TYR: variants seen among roughly 807,000 people sequenced by gnomAD.
TYR encodes tyrosinase.
TYR carries 58 observed loss-of-function variants against 51.5 expected under a neutral mutation model. The observed-to-expected ratio is 1.13, with a 90% CI of 0.91 to 1.40. The LOEUF is 1.40. Among genes scored for constraint, TYR ranks in the 40% most tolerant of loss-of-function variants. TYR has a pLI of 0.00. For missense variants in TYR, 732 were observed against 647.4 expected (o/e 1.13, Z -1.42); for synonymous variants, 263 against 235.2 (o/e 1.12, Z -1.08).
chr11:89,214,237 T>C (rs1048535140), intron 2 of TYR, among the ~76,000 whole-genome samples: 1 of 151,996 alleles, frequency 6.6e-6, no homozygotes, highest in Non-Finnish European at 1.5e-5. Context: ...GAACAGACAC[T>C]TCTCAAAATA....
chr11:89,283,349 TC>T (rs1944740296), intron 3 of TYR, among the ~76,000 whole-genome samples: 2 of 151,962 alleles, frequency 1.3e-5, no homozygotes, highest in South Asian at 4.1e-4. Flanking sequence ...CTTGTTCTCT[TC>T]ATTATTGTGC....
intron 3 of TYR, among the ~76,000 whole-genome samples, chr11:89,260,468 T>C (rs1032342406): frequency 8.6e-5 from 13 of 152,022 alleles, no homozygotes; most frequent in African/African-American, 2.7e-4. Flanking sequence ...ATGTTATTCT[T>C]CAAATATGAA....
chr11:89,246,717 G>A (rs933980318), intron 3 of TYR, among the ~76,000 whole-genome samples: 4 of 152,042 alleles, frequency 2.6e-5, no homozygotes, highest in Non-Finnish European at 5.9e-5. Flanking sequence ...TGGCCATCCT[G>A]CTAAGAAGAC....
At chr11:89,239,788 A>C (rs1939263) in intron 3 of TYR, among the ~76,000 whole-genome samples, 73,308 of 151,938 alleles carry the variant, frequency 0.48, 19,632 homozygotes, top group African/African-American at 0.74. Context: ...TTAATGTTTT[A>C]ATTGACCCAT....
At chr11:89,258,053 A>T (rs1201241666) in intron 3 of TYR, among the ~76,000 whole-genome samples, 1 of 152,032 alleles carries the variant, frequency 6.6e-6, no homozygotes, top group Non-Finnish European at 1.5e-5. Flanking sequence ...GTCCCAAAAG[A>T]TTGTGCTAAT....
chr11:89,208,731 T>C (rs374622929), intron 2 of TYR, among the ~76,000 whole-genome samples: 1 of 152,234 alleles, frequency 6.6e-6, no homozygotes, highest in African/African-American at 2.4e-5. Context: ...CCTAATTTTG[T>C]AAGTACTTCT....
Position 89,227,821 on chromosome 11 carries a change from A to G in TYR, c.1037-2A>G, listed in dbSNP as rs748901196. On this transcript the variant is annotated splice_acceptor_variant, in intron 2 of 4. Transcript: ENST00000263321. LOFTEE classifies it high-confidence loss of function. The stretch of plus-strand genomic sequence containing the variant: ...TTTTTTTCATTTTTTTTTAATGAAC[A>G]GGATTTGCTAGTCCACTTACTGGGA... 6.2e-6 allele frequency: 10 copies of G among 1,612,138 alleles called. No homozygotes were observed. Among genetic ancestry groups the G allele is most frequent in the African/African-American group, 1.3e-5 (1 of 74,888 alleles).
chr11:89,187,644 C>G (rs189019109), intron 1 of TYR, among the ~76,000 whole-genome samples: 3 of 152,018 alleles, frequency 2.0e-5, no homozygotes, highest in Non-Finnish European at 4.4e-5. Context: ...TAACTCCCCC[C>G]GTTTTATAAA....
chr11:89,295,033 T>C, intron 4 of TYR, 110 bp from the exon 5 acceptor site: 5 of 1,528,848 alleles, frequency 3.3e-6, no homozygotes, highest in Non-Finnish European at 3.6e-6. Context: ...GTAGTAGAGC[T>C]GGCCTTCAAA....
Position 89,269,820 on chromosome 11 carries a change from T to C in TYR, c.1185-14953T>C, listed in dbSNP as rs377217338. On this transcript the variant is annotated intron_variant, in intron 3 of 4. Transcript: ENST00000263321. ...CTGTTTTTCAGTGAAAATTTCCAGA[T>C]ACTCCTCAAATGTGTTTCAACATTA... 8.5e-5 allele frequency among the ~76,000 whole-genome samples: 13 copies of C among 152,050 alleles called. No homozygotes were observed. The East Asian group carries it at 1.2e-3, about 14-fold the overall frequency.
chr11:89,199,047 G>T lies in TYR; in HGVS notation c.1036+7629G>T, dbSNP rs57223022. ...GTCCTTGTGATAGTTTGCTGAGAAT[G>T]ATGGTTTCCAGCTTCATCCATGTCC... On this transcript the variant is annotated intron_variant, in intron 2 of 4. Transcript: ENST00000263321. Among the ~76,000 whole-genome samples the T allele has an allele frequency of 2.1e-3, 314 of 152,208 alleles. 3 individuals are homozygous for T. Among genetic ancestry groups the T allele is most frequent in the African/African-American group, 7.3e-3 (303 of 41,520 alleles).
intron 3 of TYR, among the ~76,000 whole-genome samples, chr11:89,232,317 A>G (rs1944060633): frequency 7.0e-6 from 1 of 143,436 alleles, no homozygotes; most frequent in Non-Finnish European, 1.5e-5. Flanking sequence ...GTGCTCATCA[A>G]TGGTGTATTG....
At chr11:89,279,227 G>C (rs1375686480) in intron 3 of TYR, among the ~76,000 whole-genome samples, 2 of 151,580 alleles carry the variant, frequency 1.3e-5, no homozygotes, top group Non-Finnish European at 3.0e-5. Context: ...ATAAAAACTA[G>C]AACCTTTCTT....
At chr11:89,200,635 AATAAT>A (rs1415984129) in intron 2 of TYR, 6 of 152,026 alleles carry the variant, frequency 3.9e-5, no homozygotes, top group African/African-American at 9.7e-5. Context: ...TGATAGTATA[AATAAT>A]ATAATTTTAA....
chr11:89,210,788 C>T (rs1231045367), intron 2 of TYR, among the ~76,000 whole-genome samples: 3 of 152,292 alleles, frequency 2.0e-5, no homozygotes, highest in Admixed American at 1.3e-4. Context: ...ACCCTATAAG[C>T]CATAGGAGAG....
intron 3 of TYR, among the ~76,000 whole-genome samples, chr11:89,274,269 G>A (rs1162883549): frequency 1.3e-5 from 2 of 151,712 alleles, no homozygotes; most frequent in Non-Finnish European, 2.9e-5. Flanking sequence ...TTAATTTTAG[G>A]ACAACTCTTT....
At chr11:89,229,458 AT>A (rs1944015912) in intron 3 of TYR, among the ~76,000 whole-genome samples, 2 of 152,156 alleles carry the variant, frequency 1.3e-5, no homozygotes, top group Admixed American at 1.3e-4. Context: ...GCCATTTTTA[AT>A]ATCTAGAACT....
chr11:89,229,833 T>C (rs929485844), intron 3 of TYR, among the ~76,000 whole-genome samples: 1 of 151,972 alleles, frequency 6.6e-6, no homozygotes, highest in Non-Finnish European at 1.5e-5. Flanking sequence ...AGTAAGTTTA[T>C]CCAAGAAAAT....
At chr11:89,189,064 T>G (rs1456483044) in intron 1 of TYR, among the ~76,000 whole-genome samples, 1 of 152,086 alleles carries the variant, frequency 6.6e-6, no homozygotes, top group Non-Finnish European at 1.5e-5. Flanking sequence ...TATTTTATTT[T>G]AACCTAGAAC....
Sources: allele counts gnomAD v4.1 joint callset (sites outside exome capture counted in the v4.1 genomes callset), GRCh38; gene constraint gnomAD v4.1.1; transcripts MANE v1.5; gene names NCBI Gene and HGNC (gene_info 2026-07-23, HGNC 2026-07-21).